The following GRIK2 variants were observed in gnomAD, a reference collection of about 807,000 sequenced individuals.
GRIK2 encodes the protein glutamate ionotropic receptor kainate type subunit 2, also known as glutamate receptor ionotropic, kainate 2.
A neutral mutation model predicts 100.3 loss-of-function variants in GRIK2; 32 were observed. The ratio of observed to expected loss-of-function variants is 0.32; its 90% CI spans 0.24 to 0.43. The LOEUF is 0.43. Ranked by LOEUF, GRIK2 falls within the 20% of genes least tolerant of loss-of-function variation. GRIK2 has a pLI of 1.00. For synonymous variants in GRIK2, 417 were observed against 389.4 expected (o/e 1.07, Z -0.83); for missense variants, 843 against 1,114.9 (o/e 0.76, Z 3.47).
chr6:101,887,639 G>T (rs151242567), intron 11 of GRIK2, among the ~76,000 whole-genome samples: 3 of 152,110 alleles, frequency 2.0e-5, no homozygotes, highest in Admixed American at 6.6e-5. Context: ...TGTATAGGAA[G>T]CATGGCTATG....
chr6:101,802,602 A>G (rs1780746160), intron 9 of GRIK2, among the ~76,000 whole-genome samples, 164 bp downstream of exon 9: 1 of 151,918 alleles, frequency 6.6e-6, no homozygotes, highest in South Asian at 2.1e-4. Flanking sequence ...GACAATTAGG[A>G]TTCAAGGATA....
intron 15 of GRIK2, among the ~76,000 whole-genome samples, chr6:102,050,550 G>A (rs1436051226): frequency 6.6e-6 from 1 of 151,816 alleles, no homozygotes; most frequent in South Asian, 2.1e-4. Flanking sequence ...GGGAGGCTGA[G>A]GTAGGAGAAT....
Position 101,429,885 on chromosome 6 carries a change from C to T in GRIK2, c.115+30493C>T, listed in dbSNP as rs145224541. 1.8e-4 allele frequency among the ~76,000 whole-genome samples: 28 copies of T among 152,214 alleles called. No homozygotes were observed. In the East Asian group the frequency reaches 5.0e-3, roughly 27 times the overall value. On this transcript the variant is annotated intron_variant, in intron 2 of 16. Transcript: ENST00000369134. Reference sequence around the variant, plus strand: ...AATTTACAGGTATTAATGCAGACAACTTTCAACTCCTGGCAAGTAACAGCC... The same window carrying T: ...AATTTACAGGTATTAATGCAGACAATTTTCAACTCCTGGCAAGTAACAGCC...
chr6:101,556,061 T>C (rs915602390), intron 2 of GRIK2, among the ~76,000 whole-genome samples: 4 of 152,204 alleles, frequency 2.6e-5, no homozygotes, highest in African/African-American at 9.6e-5. Context: ...CTTGAATTAC[T>C]ACATTTTTAT....
rs183219968 is a variant in GRIK2, at chr6:101,486,771, T to G, written c.115+87379T>G. Reference sequence around the variant, plus strand: ...AATCAACTTGTAATACTTGCACGTGTAAGATTCTCTGCAGCAACTGTGAGG... The same window carrying G: ...AATCAACTTGTAATACTTGCACGTGGAAGATTCTCTGCAGCAACTGTGAGG... On this transcript the variant is annotated intron_variant, in intron 2 of 16. Coordinates refer to ENST00000369134, the MANE Select transcript of GRIK2 (RefSeq NM_021956.5). 2.9e-4 allele frequency among the ~76,000 whole-genome samples: 35 copies of G among 119,274 alleles called. 1 individual carries two copies. The East Asian group carries it at 6.5e-3, about 22-fold the overall frequency. The allele number at this position is 119,274 out of a possible 152,430, so 78.2% of individuals were successfully genotyped here.
rs1047023010 is a variant in GRIK2 at position 101,424,438 on chromosome 6, C to T, written c.115+25046C>T. Among the ~76,000 whole-genome samples, 9 of 150,506 alleles carry T rather than the reference C, an allele frequency of 6.0e-5. No homozygotes were observed. The South Asian group carries it at 1.1e-3, about 18-fold the overall frequency. On this transcript the variant is annotated intron_variant, in intron 2 of 16. Transcript: ENST00000369134. ...TGTGGTGTTTGGTTTTTTGTCCTTG[C>T]GATAGTTTGCTAAGAATGATGGTTT...
At chr6:101,917,387 A>G (rs1398303195) in intron 12 of GRIK2, among the ~76,000 whole-genome samples, 1 of 151,776 alleles carries the variant, frequency 6.6e-6, no homozygotes, top group African/African-American at 2.4e-5. Flanking sequence ...GAAAAAGCAC[A>G]TGGCTCATTT....
At chr6:102,054,406 A>T (rs537534074) in intron 15 of GRIK2, among the ~76,000 whole-genome samples, 29 of 152,174 alleles carry the variant, frequency 1.9e-4, no homozygotes, top group Non-Finnish European at 3.4e-4. Context: ...AATGTGCAGT[A>T]TAGTGTCTTA....
chr6:101,509,051 G>C (rs1774167314), intron 2 of GRIK2, among the ~76,000 whole-genome samples: 1 of 151,692 alleles, frequency 6.6e-6, no homozygotes, highest in African/African-American at 2.4e-5. Flanking sequence ...ACAGCTACTC[G>C]GGAGGCTGAG....
intron 11 of GRIK2, among the ~76,000 whole-genome samples, chr6:101,861,183 TTTC>T (rs1213036855): frequency 6.6e-6 from 1 of 152,186 alleles, no homozygotes; most frequent in East Asian, 1.9e-4. Flanking sequence ...ATATAGGAAT[TTTC>T]TAACACAGCG....
intron 16 of GRIK2, among the ~76,000 whole-genome samples, chr6:102,055,949 A>C (rs929635987): frequency 1.3e-5 from 2 of 151,824 alleles, no homozygotes; most frequent in Non-Finnish European, 2.9e-5. Context: ...ATGAAAGAAA[A>C]AATACTCTGC....
At chr6:101,684,126 A>G (rs1771495471) in intron 6 of GRIK2, among the ~76,000 whole-genome samples, 1 of 152,220 alleles carries the variant, frequency 6.6e-6, no homozygotes, top group Non-Finnish European at 1.5e-5. Flanking sequence ...GCTCTGGCAT[A>G]TCTCTATATT....
intron 7 of GRIK2, among the ~76,000 whole-genome samples, chr6:101,688,821 C>CA (rs939641406): frequency 4.3e-4 from 66 of 151,856 alleles, no homozygotes; most frequent in African/African-American, 1.6e-3. Context: ...AGGTTTCTTT[C>CA]AAAATAGATG....
intron 10 of GRIK2, among the ~76,000 whole-genome samples, chr6:101,853,942 A>G (rs1238102323): frequency 6.6e-6 from 1 of 152,202 alleles, no homozygotes; most frequent in African/African-American, 2.4e-5. Context: ...AGGAATGAAT[A>G]TGTAAAAGCA....
At chr6:101,894,212 C>T (rs1243161232) in intron 12 of GRIK2, among the ~76,000 whole-genome samples, 1 of 151,580 alleles carries the variant, frequency 6.6e-6, no homozygotes, top group East Asian at 1.9e-4. Flanking sequence ...TTTCCCCTCA[C>T]ATGTTAAGAA....
chr6:101,889,087 A>G (rs1056717298), intron 11 of GRIK2, among the ~76,000 whole-genome samples: 4 of 152,118 alleles, frequency 2.6e-5, no homozygotes, highest in Non-Finnish European at 5.9e-5. Flanking sequence ...AACAAAATTC[A>G]GAGGTAGTAA....
intron 1 of GRIK2, among the ~76,000 whole-genome samples, chr6:101,395,598 G>A (rs2852505): frequency 1.3e-5 from 2 of 152,090 alleles, no homozygotes; most frequent in Non-Finnish European, 2.9e-5. Flanking sequence ...AACTAAAATT[G>A]TTTCTCAAGT....
At chr6:101,691,763 C>T (rs1449581218) in intron 7 of GRIK2, among the ~76,000 whole-genome samples, 1 of 151,810 alleles carries the variant, frequency 6.6e-6, no homozygotes, top group Admixed American at 6.6e-5. Flanking sequence ...GACCACAGAC[C>T]CCAGACTTTA....
intron 2 of GRIK2, among the ~76,000 whole-genome samples, chr6:101,517,421 C>A (rs1167875147): frequency 6.6e-6 from 1 of 152,070 alleles, no homozygotes; most frequent in Non-Finnish European, 1.5e-5. Context: ...GAGCGAAGGA[C>A]CGTAGACTAT....
Sources: gnomAD v4.1 joint callset for allele counts (sites outside exome capture counted in the v4.1 genomes callset) on GRCh38, gnomAD v4.1.1 for gene constraint, MANE v1.5 for transcripts, NCBI Gene and HGNC (gene_info 2026-07-23, HGNC 2026-07-21) for gene names.